The following NCKAP5 variants were observed in gnomAD, a reference collection of about 807,000 sequenced individuals.
NCKAP5 encodes nck-associated protein 5.
In NCKAP5, 92 loss-of-function variants were observed where a neutral mutation model predicts 167.0. That is an observed-to-expected ratio of 0.55 (90% CI 0.47 to 0.66). The LOEUF (loss-of-function observed/expected upper bound fraction) is 0.66. NCKAP5 is among the 30% of genes least tolerant of loss of function. The pLI is 0.00. For synonymous variants in NCKAP5, 891 were observed against 877.4 expected, an observed-to-expected ratio of 1.02 and a Z score of -0.27; for missense variants, 2,378 against 2,315.0, an observed-to-expected ratio of 1.03 and a Z score of -0.56.
intron 3 of NCKAP5, among the ~76,000 whole-genome samples, chr2:133,380,301 G>A (rs1403240110): frequency 6.6e-6 from 1 of 151,972 alleles, no homozygotes; most frequent in Non-Finnish European, 1.5e-5. Flanking sequence ...TTTCTGCATT[G>A]TCTACATTTT....
chr2:133,647,806 G>A, the NCKAP5 span, among the ~76,000 whole-genome samples: 6 of 152,028 alleles, frequency 3.9e-5, no homozygotes, highest in East Asian at 3.9e-4. Context: ...GGGAGAGAAC[G>A]GGAGGAGACG....
chr2:132,794,307 G>GAGAGAGAGAGAGAGT (rs1553443904), intron 12 of NCKAP5, among the ~76,000 whole-genome samples: 1 of 101,236 alleles, frequency 9.9e-6, no homozygotes, highest in Non-Finnish European at 2.1e-5. Context: ...GAGAGAGAGA[G>GAGAGAGAGAGAGAGT]GGTGGCGGGA....
At chr2:133,500,706 T>G (rs1288337340) in intron 3 of NCKAP5, among the ~76,000 whole-genome samples, 21 of 152,330 alleles carry the variant, frequency 1.4e-4, no homozygotes, top group African/African-American at 4.8e-4. Flanking sequence ...AGCAAATATC[T>G]CATTTTTAGA....
At chr2:133,584,948 A>AGGAAGGAG in the NCKAP5 span, among the ~76,000 whole-genome samples, 1 of 116,528 alleles carries the variant, frequency 8.6e-6, no homozygotes, top group Non-Finnish European at 1.7e-5. Context: ...GAAAGAAGGA[A>AGGAAGGAG]GGAAGGAAGG....
At chr2:133,391,406 TAA>T (rs1687397602) in intron 3 of NCKAP5, 1 of 153,048 alleles carries the variant, frequency 6.5e-6, no homozygotes. Context: ...TCCCGAAGTC[TAA>T]GTCTTGAGTC....
At chr2:133,095,636 C>T (rs7563261) in intron 6 of NCKAP5, among the ~76,000 whole-genome samples, 7,513 of 152,272 alleles carry the variant, frequency 0.049, 607 homozygotes, top group African/African-American at 0.17. Context: ...TCAGCTAAGC[C>T]GGGCAACCCA....
rs923990431 is a variant in NCKAP5, at chr2:132,726,866, G to T, written c.5581-1107C>A. 2.6e-5 allele frequency among the ~76,000 whole-genome samples: 4 copies of T among 152,346 alleles called. 1 individual carries two copies. The highest frequency in any genetic ancestry group is 2.6e-4 in the Admixed American group (4 of 15,310). Reference sequence around the variant, plus strand: ...ATACCAGTAGTCTAGCAAGGACTAAGTCCATGAAGAAAGACAAGTCTACTG... The same window carrying T: ...ATACCAGTAGTCTAGCAAGGACTAATTCCATGAAGAAAGACAAGTCTACTG... On this transcript the variant is annotated intron_variant, in intron 18 of 19. Coordinates refer to ENST00000409261, the MANE Select transcript of NCKAP5 (RefSeq NM_207363.3).
chr2:132,738,841 C>T (rs1047816992), intron 16 of NCKAP5, among the ~76,000 whole-genome samples: 6 of 151,910 alleles, frequency 3.9e-5, no homozygotes, highest in South Asian at 2.1e-4. Flanking sequence ...CAACAGCTCT[C>T]GTGTGAACCA....
Position 132,784,793 on chromosome 2 carries a change from G to T in NCKAP5, c.2018C>A (p.Ala673Glu). 1.2e-6 allele frequency: 2 copies of T among 1,600,694 alleles called. No homozygotes were observed. Among genetic ancestry groups the T allele is most frequent in the Non-Finnish European group, 1.7e-6 (2 of 1,172,060 alleles). ...GAATTCAATGGGCTCACCGTCTTCC[G>T]CATCAAATATCACAGTCACACATTC... The part of the protein sequence containing the change: ...SEECVTVIFD[A>E]EDGEPIEFSS... The change falls in exon 14 of 20, where the codon GCG becomes GAG. Residue 673 changes from alanine to glutamate, a missense_variant. By Grantham distance (107) the Ala-to-Glu change is moderately radical. Transcript: ENST00000409261.
At chr2:133,669,541 TC>T in the NCKAP5 span, among the ~76,000 whole-genome samples, 38 of 152,124 alleles carry the variant, frequency 2.5e-4, 1 homozygote, top group Non-Finnish European at 4.7e-4. Context: ...TCTTTTTGAG[TC>T]CTCTAAAACT....
At chr2:133,248,159 C>T (rs1372876753) in intron 4 of NCKAP5, among the ~76,000 whole-genome samples, 2 of 152,200 alleles carry the variant, frequency 1.3e-5, no homozygotes, top group East Asian at 1.9e-4. Flanking sequence ...ACACAACTTT[C>T]GTTGATTTCA....
intron 8 of NCKAP5, among the ~76,000 whole-genome samples, chr2:132,895,882 C>T (rs538358387): frequency 6.6e-6 from 1 of 151,260 alleles, no homozygotes; most frequent in East Asian, 1.9e-4. Context: ...TGCCTGTAAT[C>T]CCAGCACTTT....
chr2:133,141,374 T>C (rs1008812917), intron 5 of NCKAP5, among the ~76,000 whole-genome samples: 2 of 151,992 alleles, frequency 1.3e-5, no homozygotes, highest in African/African-American at 4.8e-5. Context: ...CCGTTCTTTT[T>C]GTTCGCCCTA....
chr2:132,902,957 T>TG (rs1693740728), intron 8 of NCKAP5, among the ~76,000 whole-genome samples: 1 of 152,208 alleles, frequency 6.6e-6, no homozygotes, highest in African/African-American at 2.4e-5. Context: ...GGCTTTGGCA[T>TG]CCACTTATGT....
At chr2:133,286,675 G>A (rs1169262343) in intron 4 of NCKAP5, among the ~76,000 whole-genome samples, 5 of 152,120 alleles carry the variant, frequency 3.3e-5, no homozygotes, top group Admixed American at 2.0e-4. Context: ...TTATATTGGA[G>A]CCTCACATGT....
At position 132,723,710 on chromosome 2, in the gene NCKAP5, C is replaced by A. The variant is rs541070128; in HGVS notation, c.5713+1917G>T. Reference sequence around the variant, plus strand: ...CATGTGTACAGACATAGAGCATTTCCATCGTTGAGGGAGGTCACTTAGCCA... The same window carrying A: ...CATGTGTACAGACATAGAGCATTTCAATCGTTGAGGGAGGTCACTTAGCCA... On this transcript the variant is annotated intron_variant, in intron 19 of 19. Transcript: ENST00000409261. Among the ~76,000 whole-genome samples, 125 of 152,256 alleles carry A rather than the reference C, an allele frequency of 8.2e-4. 1 individual carries two copies. Among genetic ancestry groups the A allele is most frequent in the African/African-American group, 2.8e-3 (116 of 41,554 alleles).
chr2:133,157,008 G>T (rs1286321496), intron 5 of NCKAP5, among the ~76,000 whole-genome samples: 1 of 152,084 alleles, frequency 6.6e-6, no homozygotes, highest in Admixed American at 6.6e-5. Flanking sequence ...TACTGTGTAT[G>T]TCCCTTGCTT....
At chr2:133,410,294 C>T (rs1403532953) in intron 3 of NCKAP5, among the ~76,000 whole-genome samples, 1 of 152,188 alleles carries the variant, frequency 6.6e-6, no homozygotes, top group Non-Finnish European at 1.5e-5. Flanking sequence ...GACTGTTCAA[C>T]AAAGAGCATA....
chr2:132,940,893 T>C (rs1697247869), intron 8 of NCKAP5, among the ~76,000 whole-genome samples: 1 of 152,018 alleles, frequency 6.6e-6, no homozygotes, highest in Non-Finnish European at 1.5e-5. Context: ...ATCAATTATA[T>C]TACACTTGTC....
Sources: gnomAD v4.1 joint callset for allele counts (sites outside exome capture counted in the v4.1 genomes callset) on GRCh38, gnomAD v4.1.1 for gene constraint, MANE v1.5 for transcripts, NCBI Gene and HGNC (gene_info 2026-07-23, HGNC 2026-07-21) for gene names.